The following PHF24 variants were observed in gnomAD, a reference collection of about 807,000 sequenced individuals.
The protein encoded by PHF24 is Galpha inhibitory interacting protein.
A neutral mutation model predicts 42.6 loss-of-function variants in PHF24; 25 were observed. The observed-to-expected ratio is 0.59, with a 90% CI of 0.43 to 0.82. The LOEUF is 0.82. PHF24 is among the 40% of genes least tolerant of loss of function. The pLI is 0.00. For missense variants in PHF24, 470 were observed against 538.1 expected (o/e 0.87, Z 1.25); for synonymous variants, 185 against 204.8 (o/e 0.90, Z 0.83).
the PHF24 span, among the ~76,000 whole-genome samples, chr9:34,873,528 T>G: frequency 6.6e-6 from 1 of 151,912 alleles, no homozygotes. Context: ...TATGCGGCAT[T>G]ATTTCTGAGG....
the PHF24 span, among the ~76,000 whole-genome samples, chr9:34,691,430 C>G: frequency 6.6e-6 from 1 of 152,282 alleles, no homozygotes; most frequent in East Asian, 1.9e-4. Flanking sequence ...GTTGCCCTTT[C>G]CTTCTGCTTT....
the PHF24 span, among the ~76,000 whole-genome samples, chr9:34,937,646 T>TAAAAAA: frequency 0.023 from 367 of 16,180 alleles, 1 homozygote; most frequent in African/African-American, 0.037. Flanking sequence ...AATGATCAAT[T>TAAAAAA]TAAAAAAAAA....
the PHF24 span, among the ~76,000 whole-genome samples, chr9:34,720,809 G>C: frequency 1.9e-4 from 29 of 152,148 alleles, no homozygotes; most frequent in Non-Finnish European, 1.2e-4. Context: ...AGTGTTCCAA[G>C]AGCACCTGCT....
chr9:34,812,050 C>T, the PHF24 span, among the ~76,000 whole-genome samples: 2 of 152,194 alleles, frequency 1.3e-5, no homozygotes, highest in Admixed American at 6.5e-5. Context: ...TGCTCTACAT[C>T]ATTAGTCGTT....
intron 1 of PHF24, among the ~76,000 whole-genome samples, chr9:34,960,234 T>TC (rs1382927642): frequency 6.6e-6 from 1 of 152,334 alleles, no homozygotes; most frequent in South Asian, 2.1e-4. Flanking sequence ...GTTTTCCTGC[T>TC]CCCCTTCCCT....
At chr9:34,734,450 T>C in the PHF24 span, among the ~76,000 whole-genome samples, 2 of 152,108 alleles carry the variant, frequency 1.3e-5, no homozygotes, top group Non-Finnish European at 2.9e-5. Flanking sequence ...GGTACAGGCC[T>C]GGGGAAAAGG....
chr9:34,783,432 C>T, the PHF24 span, among the ~76,000 whole-genome samples: 1 of 152,168 alleles, frequency 6.6e-6, no homozygotes, highest in Non-Finnish European at 1.5e-5. Flanking sequence ...ACTTTGTGCT[C>T]CTGGCTTCAA....
chr9:34,718,629 G>A, the PHF24 span, among the ~76,000 whole-genome samples: 1 of 152,228 alleles, frequency 6.6e-6, no homozygotes, highest in African/African-American at 2.4e-5. Context: ...TGGTTAGCTG[G>A]TTAAGCAGCA....
At chr9:34,804,285 G>A in the PHF24 span, among the ~76,000 whole-genome samples, 91 of 152,290 alleles carry the variant, frequency 6.0e-4, no homozygotes, top group African/African-American at 1.9e-3. Flanking sequence ...TGAGGAAGGA[G>A]TGAGTCAATG....
chr9:34,707,247 C>G, the PHF24 span, among the ~76,000 whole-genome samples: 1 of 152,142 alleles, frequency 6.6e-6, no homozygotes, highest in East Asian at 1.9e-4. Context: ...GAGTCTAGGA[C>G]TTGAAGAGAT....
At chr9:34,708,980 G>GTCGTCGT in the PHF24 span, 1 of 205,536 alleles carries the variant, frequency 4.9e-6, no homozygotes, top group South Asian at 1.2e-4. Flanking sequence ...CATCTCGGTG[G>GTCGTCGT]ACATAAACAC....
At chr9:34,933,951 G>A in the PHF24 span, among the ~76,000 whole-genome samples, 2 of 151,758 alleles carry the variant, frequency 1.3e-5, no homozygotes, top group Non-Finnish European at 2.9e-5. Context: ...TACTATGTTA[G>A]CCATGCTGGT....
chr9:34,768,228 C>T, the PHF24 span, among the ~76,000 whole-genome samples: 1 of 152,216 alleles, frequency 6.6e-6, no homozygotes, highest in African/African-American at 2.4e-5. Context: ...ATGGGAAACA[C>T]ATTCAGGGAT....
At chr9:34,668,431 T>C in the PHF24 span, among the ~76,000 whole-genome samples, 1 of 152,048 alleles carries the variant, frequency 6.6e-6, no homozygotes. Context: ...GGCACACACA[T>C]AGACTGCAAA....
At chr9:34,971,139 ACATCTT>A (rs1826960927) in intron 1 of PHF24, among the ~76,000 whole-genome samples, 150 bp from the exon 2 acceptor site, 1 of 152,166 alleles carries the variant, frequency 6.6e-6, no homozygotes, top group South Asian at 2.1e-4. Context: ...AGTAGAACCA[ACATCTT>A]CTGATCCTTA....
chr9:34,739,885 T>C, the PHF24 span, among the ~76,000 whole-genome samples: 37 of 152,196 alleles, frequency 2.4e-4, no homozygotes, highest in Non-Finnish European at 1.5e-4. Context: ...AGGGCGCTGA[T>C]TGGTGCGTTT....
the PHF24 span, among the ~76,000 whole-genome samples, chr9:34,839,293 G>A: frequency 6.6e-6 from 1 of 152,134 alleles, no homozygotes. Context: ...TCTGGCTTTG[G>A]GTCGCAAACT....
chr9:34,689,053 C>T, the PHF24 span, among the ~76,000 whole-genome samples: 1 of 152,132 alleles, frequency 6.6e-6, no homozygotes, highest in Non-Finnish European at 1.5e-5. The surrounding 1 kb of genome is among the most constrained non-coding windows in gnomAD (Gnocchi z 4.1). Flanking sequence ...GCCAGGTGGG[C>T]AGAGGAGAGA....
chr9:34,728,570 C>A, the PHF24 span: 1 of 1,544,260 alleles, frequency 6.5e-7, no homozygotes, highest in South Asian at 1.2e-5. Flanking sequence ...GGGAAACACC[C>A]ACAGTGGAAG....
Sources: gnomAD v4.1 joint callset for allele counts (sites outside exome capture counted in the v4.1 genomes callset) on GRCh38, gnomAD v4.1.1 for gene constraint, Gnocchi (gnomAD v3.1) non-coding constraint, MANE v1.5 for transcripts, NCBI Gene and HGNC (gene_info 2026-07-23, HGNC 2026-07-21) for gene names.